The following SEC23IP variants were observed in gnomAD, a reference collection of about 807,000 sequenced individuals.
SEC23IP encodes SEC23 interacting protein.
A neutral mutation model predicts 113.4 loss-of-function variants in SEC23IP; 70 were observed. The ratio of observed to expected loss-of-function variants is 0.62; its 90% confidence interval spans 0.51 to 0.75. The LOEUF is 0.75. Among genes scored for constraint, SEC23IP ranks in the 30% least tolerant of loss-of-function variants. The probability of loss-of-function intolerance (pLI) is 0.00; values close to 1 mark genes in which losing one functional copy is unlikely to be tolerated. For synonymous variants in SEC23IP, 398 were observed against 421.0 expected (o/e 0.95, Z 0.67); for missense variants, 1,160 against 1,204.9 (o/e 0.96, Z 0.55).
At chr10:119,918,145 T>C (rs1208985627) in intron 9 of SEC23IP, 101 bp downstream of exon 9, 2 of 1,020,490 alleles carry the variant, frequency 2.0e-6, no homozygotes, top group Non-Finnish European at 2.9e-6. Flanking sequence ...GAATTACAGA[T>C]TTTAAGTTTC....
chr10:119,908,539 G>C (rs560936081), intron 4 of SEC23IP, among the ~76,000 whole-genome samples: 87 of 152,330 alleles, frequency 5.7e-4, no homozygotes, highest in African/African-American at 2.0e-3. Context: ...TGTGAAGACA[G>C]ACACACAGAA....
chr10:119,911,699 G>A lies in SEC23IP; in HGVS notation c.1192-345G>A, dbSNP rs143761790. ...CATATTGCTCAGGCTTGTCTTGAAC[G>A]CCTGGGCTCAAGTGATCCTCCCACC... is the stretch of plus-strand genomic sequence containing the variant. On this transcript the variant is annotated intron_variant, in intron 5 of 18. Coordinates refer to ENST00000369075, the MANE Select transcript of SEC23IP (RefSeq NM_007190.4). Among the ~76,000 whole-genome samples, 447 of 151,990 alleles carry A rather than the reference G, an allele frequency of 2.9e-3. 3 individuals are homozygous for A. Among genetic ancestry groups the A allele is most frequent in the African/African-American group, 9.9e-3 (411 of 41,452 alleles).
Position 119,941,124 on chromosome 10 carries a change from A to G in SEC23IP, c.*559A>G, listed in dbSNP as rs1486421264. ...TATATTTGTTAAGAGGAAATAATCA[A>G]GATCACTCATATCCCAACTGAATCT... On this transcript the variant is annotated 3_prime_UTR_variant, in exon 19 of 19. Transcript: ENST00000369075. The G allele has an allele frequency of 1.3e-5, 2 of 152,208 alleles. No individual in the cohort carries two copies. The highest frequency in any genetic ancestry group is 4.8e-5 in the African/African-American group (2 of 41,452). 9.4% of individuals were successfully genotyped at this position (152,208 alleles called of 1,614,324 possible).
At chr10:119,909,979 AT>A (rs1854806574) in intron 5 of SEC23IP, among the ~76,000 whole-genome samples, 1 of 152,172 alleles carries the variant, frequency 6.6e-6, no homozygotes, top group African/African-American at 2.4e-5. Context: ...TTGCTTGATA[AT>A]TTTTTTCACT....
At chr10:119,893,284 G>A (rs1384053044) in intron 1 of SEC23IP, among the ~76,000 whole-genome samples, 1 of 151,984 alleles carries the variant, frequency 6.6e-6, no homozygotes, top group Non-Finnish European at 1.5e-5. Flanking sequence ...CCTCTCCTAG[G>A]GTACAGTAGT....
At chr10:119,894,499 A>C (rs1854204627) in intron 1 of SEC23IP, among the ~76,000 whole-genome samples, 1 of 152,218 alleles carries the variant, frequency 6.6e-6, no homozygotes, top group African/African-American at 2.4e-5. Context: ...GCAAAAACTT[A>C]CTTTTATTCA....
intron 17 of SEC23IP, 124 bp from the exon 18 acceptor site, chr10:119,933,562 A>C: frequency 1.6e-6 from 1 of 629,482 alleles, no homozygotes. Context: ...CTGAGATTAC[A>C]TTGCTATCAT....
At chr10:119,895,347 C>T (rs908651483) in intron 1 of SEC23IP, among the ~76,000 whole-genome samples, 2 of 152,138 alleles carry the variant, frequency 1.3e-5, no homozygotes, top group Admixed American at 1.3e-4. Context: ...CTGCACACTC[C>T]ACCCTGGGCG....
chr10:119,933,202 G>A (rs1216007630), intron 17 of SEC23IP, 35 bp downstream of exon 17: 2 of 1,584,536 alleles, frequency 1.3e-6, no homozygotes, highest in Non-Finnish European at 1.7e-6. Flanking sequence ...ATTTGAGTGG[G>A]CTTTTGGTGC....
At chr10:119,931,645 C>T (rs529194272) in intron 15 of SEC23IP, among the ~76,000 whole-genome samples, 188 of 151,702 alleles carry the variant, frequency 1.2e-3, no homozygotes, top group African/African-American at 4.2e-3. Flanking sequence ...CTCTGCCTCC[C>T]GGGTTCATGC....
At position 119,907,641 on chromosome 10, in the gene SEC23IP, A is replaced by T. The variant is rs141508990; in HGVS notation, c.1102-1400A>T. Among the ~76,000 whole-genome samples, 5 of 152,300 alleles carry T rather than the reference A, an allele frequency of 3.3e-5. No individual in the cohort carries two copies. The East Asian group carries it at 7.7e-4, about 24-fold the overall frequency. ...TCAACCAAATACTCTGAAAATATTT[A>T]GAAAACCACAACAATAAAAATAACA... On this transcript the variant is annotated intron_variant, in intron 4 of 18. Transcript: ENST00000369075.
chr10:119,896,050 A>G (rs1043479933), intron 1 of SEC23IP, among the ~76,000 whole-genome samples: 1 of 152,242 alleles, frequency 6.6e-6, no homozygotes, highest in Non-Finnish European at 1.5e-5. Context: ...TGACTGTAGC[A>G]AGAGGATTCA....
intron 1 of SEC23IP, among the ~76,000 whole-genome samples, chr10:119,893,232 C>T (rs891442226): frequency 2.0e-5 from 3 of 152,150 alleles, no homozygotes; most frequent in African/African-American, 2.4e-5. Context: ...GTTGTTGGTA[C>T]GCCAGGTGCT....
chr10:119,914,971 T>G lies in SEC23IP; in HGVS notation c.1402+152T>G. On this transcript the variant is annotated intron_variant, in intron 7 of 18. Transcript: ENST00000369075. ...AAATGGTCAGTGGGAAATACTAAGT[T>G]GTACTTGATTTGCTCTTGTGACATA... 7.2e-6 allele frequency: 5 copies of G among 692,422 alleles called. No homozygotes were observed. In the South Asian group the frequency reaches 8.9e-5, roughly 12 times the overall value. 42.9% of individuals were successfully genotyped at this position (692,422 alleles called of 1,614,324 possible). A position where few individuals can be genotyped will look rare whatever the true frequency, so the allele number is the denominator to read the frequency against.
Position 119,933,741 on chromosome 10 carries a change from A to T in SEC23IP, c.2977A>T (p.Ile993Phe). The change falls in exon 18 of 19, where the codon ATT becomes TTT. Residue 993 changes from isoleucine to phenylalanine, a missense_variant. By Grantham distance (21) the Ile-to-Phe change is conservative. Transcript: ENST00000369075. ...LLKEIYRTMN[I>F]SPEQPQH Reference sequence around the variant, plus strand: ...TAAAGAAATTTATCGAACAATGAACATTAGTCCAGAACAGCCCCAGCATTG... The same window carrying T: ...TAAAGAAATTTATCGAACAATGAACTTTAGTCCAGAACAGCCCCAGCATTG... 1 of 1,591,910 alleles carries T rather than the reference A, an allele frequency of 6.3e-7. No individual in the cohort carries two copies. The highest frequency in any genetic ancestry group is 2.2e-5 in the East Asian group (1 of 44,666).
intron 5 of SEC23IP, among the ~76,000 whole-genome samples, chr10:119,910,552 T>C (rs943696755): frequency 1.3e-5 from 2 of 152,224 alleles, no homozygotes; most frequent in Non-Finnish European, 2.9e-5. Flanking sequence ...TAGTCCTTAT[T>C]GATACTGAAA....
rs766425539 is a variant in SEC23IP at position 119,909,249 on chromosome 10, C to A, written c.1191+119C>A. The stretch of plus-strand genomic sequence containing the variant: ...AGTGGGAATGTTTTTGTAACAAGTG[C>A]ATTGCTTTTAAAATACTTTATTATT... On this transcript the variant is annotated intron_variant, in intron 5 of 18. Coordinates refer to ENST00000369075, the MANE Select transcript of SEC23IP (RefSeq NM_007190.4). 6.5e-4 allele frequency: 414 copies of A among 633,682 alleles called. No individual in the cohort carries two copies. The highest frequency in any genetic ancestry group is 8.6e-4 in the Non-Finnish European group (312 of 361,996). The allele number at this position is 633,682 out of a possible 1,614,324, so 39.3% of individuals were successfully genotyped here. A position where few individuals can be genotyped will look rare whatever the true frequency, so the allele number is the denominator to read the frequency against.
At chr10:119,912,252 A>T (rs1358320020) in intron 6 of SEC23IP, 88 bp downstream of exon 6, 2 of 1,372,124 alleles carry the variant, frequency 1.5e-6, no homozygotes, top group African/African-American at 2.9e-5. Context: ...ATAAACAGTT[A>T]TTAGAATGCC....
intron 5 of SEC23IP, among the ~76,000 whole-genome samples, chr10:119,911,755 G>A (rs1241473173): frequency 6.6e-6 from 1 of 152,130 alleles, no homozygotes; most frequent in African/African-American, 2.4e-5. Flanking sequence ...GATTACAGGT[G>A]TGAGCCACCA....
Sources: allele counts gnomAD v4.1 joint callset (sites outside exome capture counted in the v4.1 genomes callset), GRCh38; gene constraint gnomAD v4.1.1; transcripts MANE v1.5; gene names NCBI Gene and HGNC (gene_info 2026-07-23, HGNC 2026-07-21).